XRRA1: variants seen among roughly 807,000 people sequenced by gnomAD.
XRRA1 encodes the protein X-ray radiation resistance associated 1.
In XRRA1, 69 loss-of-function variants were observed where a neutral mutation model predicts 80.2. That is an observed-to-expected ratio of 0.86 (90% CI 0.71 to 1.05). XRRA1 has a LOEUF of 1.05. Ranked by LOEUF, XRRA1 falls within the 50% of genes least tolerant of loss-of-function variation. The probability of loss-of-function intolerance (pLI) is 0.00; values close to 1 mark genes in which losing one functional copy is unlikely to be tolerated. For missense variants in XRRA1, 967 were observed against 976.4 expected, an observed-to-expected ratio of 0.99 and a Z score of 0.13; for synonymous variants, 348 against 389.9, an observed-to-expected ratio of 0.89 and a Z score of 1.27.
chr11:74,843,105 C>T lies in XRRA1; in HGVS notation c.*95G>A, dbSNP rs1165871696. On this transcript the variant is annotated 3_prime_UTR_variant, in exon 19 of 19. Transcript: ENST00000684022. ...CCAGCTGAGCTCTGAGGCCTGTGGC[C>T]GGCTGGTCAACCTTGAGGTGCGGTC... The T allele has an allele frequency of 1.0e-5, 15 of 1,440,342 alleles. No homozygotes were observed. Among genetic ancestry groups the T allele is most frequent in the African/African-American group, 1.4e-5 (1 of 70,638 alleles). The allele number at this position is 1,440,342 out of a possible 1,614,324, so 89.2% of individuals were successfully genotyped here.
At chr11:74,870,315 G>A (rs529842226) in intron 10 of XRRA1, among the ~76,000 whole-genome samples, 59 of 152,144 alleles carry the variant, frequency 3.9e-4, no homozygotes, top group Non-Finnish European at 6.9e-4. Flanking sequence ...GATAGTTCCT[G>A]GCCAGGGCTA....
At chr11:74,909,741 T>C (rs998878696) in intron 8 of XRRA1, 2 of 152,196 alleles carry the variant, frequency 1.3e-5, no homozygotes, top group African/African-American at 4.8e-5. Flanking sequence ...AGCCGGGGTT[T>C]CCAGCTGTTC....
In XRRA1 at chr11:74,843,808, G is replaced by A. The variant is rs1434261235; in HGVS notation, c.2149+46C>T. 15 of 1,526,486 alleles carry A rather than the reference G, an allele frequency of 9.8e-6. No individual in the cohort carries two copies. The East Asian group carries it at 3.3e-4, about 33-fold the overall frequency. 94.6% of individuals were successfully genotyped at this position (1,526,486 alleles called of 1,614,324 possible). Reference sequence around the variant, plus strand: ...GCCCTTTCTTTGCCTTTAGCCAGCAGGCGTGAACTGGATCTGGGATCCTGG... The same window carrying A: ...GCCCTTTCTTTGCCTTTAGCCAGCAAGCGTGAACTGGATCTGGGATCCTGG... On this transcript the variant is annotated intron_variant, in intron 18 of 18. Coordinates refer to ENST00000684022, the MANE Select transcript of XRRA1 (RefSeq NM_001378157.1).
Position 74,843,123 on chromosome 11 carries a change from G to A in XRRA1, c.*77C>T, listed in dbSNP as rs1591451229. 5 of 1,471,984 alleles carry A rather than the reference G, an allele frequency of 3.4e-6. No homozygotes were observed. Among genetic ancestry groups the A allele is most frequent in the Non-Finnish European group, 4.5e-6 (5 of 1,107,120 alleles). The allele number at this position is 1,471,984 out of a possible 1,614,324, so 91.2% of individuals were successfully genotyped here. ...CTGTGGCCGGCTGGTCAACCTTGAG[G>A]TGCGGTCCAGGGCACAGAGCCCTCG... On this transcript the variant is annotated 3_prime_UTR_variant, in exon 19 of 19. Transcript: ENST00000684022.
intron 8 of XRRA1, chr11:74,919,153 T>C (rs1389334544): frequency 6.6e-6 from 1 of 152,394 alleles, no homozygotes; most frequent in East Asian, 1.9e-4. Flanking sequence ...GGAATAATGG[T>C]TCTCTGGGTA....
rs143968675 is a variant in XRRA1 at position 74,902,107 on chromosome 11, A to C, written c.1003+4132T>G. Among the ~76,000 whole-genome samples the C allele has an allele frequency of 3.9e-5, 6 of 152,342 alleles. No individual in the cohort carries two copies. The East Asian group carries it at 7.7e-4, about 20-fold the overall frequency. On this transcript the variant is annotated intron_variant, in intron 10 of 18. Transcript: ENST00000684022. ...AATCTGACTAAAAAATGGGCAAAAG[A>C]TCTGAATAAACATTTTTCAAAAGAA...
intron 9 of XRRA1, among the ~76,000 whole-genome samples, chr11:74,906,676 AGGCAATATGTAAAT>A: frequency 6.6e-6 from 1 of 152,340 alleles, no homozygotes; most frequent in African/African-American, 2.4e-5. Context: ...AGATTTAATG[AGGCAATATGTAAAT>A]GGCCTGGCAC....
chr11:74,926,392 A>C (rs891832373), intron 7 of XRRA1, among the ~76,000 whole-genome samples: 2 of 152,244 alleles, frequency 1.3e-5, no homozygotes, highest in African/African-American at 4.8e-5. Flanking sequence ...TGATGTTTGC[A>C]GATGAAATCA....
At chr11:74,910,593 A>C (rs2055655602) in intron 8 of XRRA1, 1 of 152,316 alleles carries the variant, frequency 6.6e-6, no homozygotes, top group Non-Finnish European at 1.5e-5. Context: ...AGGATGGAGA[A>C]GCAGGCAGAG....
At chr11:74,859,319 G>T in intron 11 of XRRA1, 36 bp from the exon 12 acceptor site, 1 of 1,579,220 alleles carries the variant, frequency 6.3e-7, no homozygotes. Flanking sequence ...CAAAGTGCCC[G>T]ATAATAAATA....
At chr11:74,914,811 A>G (rs1938013079) in intron 8 of XRRA1, among the ~76,000 whole-genome samples, 1 of 151,062 alleles carries the variant, frequency 6.6e-6, no homozygotes, top group Non-Finnish European at 1.5e-5. Context: ...AACCTGAGCC[A>G]CTCATCATGA....
At chr11:74,863,103 C>T (rs761019323) in intron 10 of XRRA1, 82 bp from the exon 11 acceptor site, 42 of 1,325,374 alleles carry the variant, frequency 3.2e-5, no homozygotes, top group Non-Finnish European at 4.3e-5. Context: ...GTCTGCCATC[C>T]ACTGTGTGCA....
intron 5 of XRRA1, among the ~76,000 whole-genome samples, 162 bp from the exon 6 acceptor site, chr11:74,930,534 T>C (rs866421875): frequency 6.6e-6 from 1 of 152,200 alleles, no homozygotes; most frequent in Non-Finnish European, 1.5e-5. Flanking sequence ...GTAAGGGTTT[T>C]CCTGCTTTTT....
chr11:74,862,793 C>T (rs2042582283), intron 11 of XRRA1, among the ~76,000 whole-genome samples, 188 bp downstream of exon 11: 1 of 152,022 alleles, frequency 6.6e-6, no homozygotes, highest in Non-Finnish European at 1.5e-5. Context: ...AAGGTCAAGA[C>T]ATGTCTGTCT....
chr11:74,907,997 G>A (rs558037859), intron 8 of XRRA1, among the ~76,000 whole-genome samples: 2 of 152,174 alleles, frequency 1.3e-5, no homozygotes, highest in East Asian at 3.9e-4. Flanking sequence ...ATGAGACCTA[G>A]GTAACTCTCT....
At chr11:74,893,815 G>T (rs2051476793) in intron 10 of XRRA1, among the ~76,000 whole-genome samples, 1 of 152,200 alleles carries the variant, frequency 6.6e-6, no homozygotes, top group Non-Finnish European at 1.5e-5. Flanking sequence ...AATTAGTTCA[G>T]CCATTGTGGA....
At chr11:74,845,029 G>C in intron 16 of XRRA1, 44 bp downstream of exon 16, 1 of 1,596,222 alleles carries the variant, frequency 6.3e-7, no homozygotes, top group Non-Finnish European at 8.6e-7. Context: ...TCTGAGCTGT[G>C]GAGATGGCCT....
At chr11:74,893,089 G>A (rs1422336265) in intron 10 of XRRA1, among the ~76,000 whole-genome samples, 5 of 152,122 alleles carry the variant, frequency 3.3e-5, no homozygotes, top group Non-Finnish European at 7.4e-5. Context: ...TCATGCTGCT[G>A]TAAAGACACA....
In XRRA1 at chr11:74,927,384, A is replaced by G. The variant is rs1275145950; in HGVS notation, c.522+7T>C. ...TGGGCACCAAAAACTCCCTACCTCC[A>G]ACTTACTTCTAATAACTTAAAGTCT... On this transcript the variant is annotated splice_region_variant and intron_variant, in intron 7 of 18. Transcript: ENST00000684022. 1.3e-6 allele frequency: 2 copies of G among 1,587,168 alleles called. No individual in the cohort carries two copies. Among genetic ancestry groups the G allele is most frequent in the South Asian group, 1.1e-5 (1 of 90,374 alleles).
Sources: allele counts gnomAD v4.1 joint callset (sites outside exome capture counted in the v4.1 genomes callset), GRCh38; gene constraint gnomAD v4.1.1; transcripts MANE v1.5; gene names NCBI Gene and HGNC (gene_info 2026-07-23, HGNC 2026-07-21).